The following EFNA5 variants were observed in gnomAD, a reference collection of about 807,000 sequenced individuals.
The protein encoded by EFNA5 is ephrin-A5.
Under a neutral mutation model 22.9 loss-of-function variants are expected in EFNA5, and 5 were observed. That is an observed-to-expected ratio of 0.22 (90% CI 0.11 to 0.46). The LOEUF is 0.46. EFNA5 is among the 20% of genes least tolerant of loss of function. EFNA5 has a pLI of 0.99. For synonymous variants in EFNA5, 113 were observed against 112.2 expected (o/e 1.01, Z -0.04); for missense variants, 237 against 293.3 (o/e 0.81, Z 1.40).
intron 2 of EFNA5, among the ~76,000 whole-genome samples, chr5:107,423,573 C>T (rs991976963): frequency 6.6e-6 from 1 of 152,228 alleles, no homozygotes; most frequent in Admixed American, 6.5e-5. Context: ...TTTAAAATTA[C>T]TGTTTCCTTT....
chr5:107,513,620 A>C (rs1177908657), intron 1 of EFNA5, among the ~76,000 whole-genome samples: 1 of 152,176 alleles, frequency 6.6e-6, no homozygotes, highest in Non-Finnish European at 1.5e-5. Flanking sequence ...TCAACTGTTC[A>C]TTTATTTATT....
chr5:107,657,203 C>T (rs1244141758), intron 1 of EFNA5, among the ~76,000 whole-genome samples: 6 of 152,086 alleles, frequency 3.9e-5, no homozygotes, highest in Admixed American at 2.6e-4. Flanking sequence ...TTAAGAACTA[C>T]TGAGCATCTT....
chr5:107,384,704 T>G (rs1180634725), intron 4 of EFNA5, among the ~76,000 whole-genome samples: 2 of 151,388 alleles, frequency 1.3e-5, no homozygotes, highest in African/African-American at 4.9e-5. Context: ...CTCGAACTCC[T>G]GGGCTTAAGC....
intron 1 of EFNA5, among the ~76,000 whole-genome samples, chr5:107,483,101 G>C (rs25996): frequency 0.62 from 93,891 of 151,874 alleles, 31,843 homozygotes; most frequent in African/African-American, 0.9. Context: ...TTATGTAATA[G>C]TGTGAACAAA....
intron 1 of EFNA5, among the ~76,000 whole-genome samples, chr5:107,533,629 T>C (rs1747868364): frequency 1.3e-5 from 2 of 150,078 alleles, no homozygotes; most frequent in African/African-American, 5.1e-5. Context: ...AGTCCTGCTC[T>C]GCATCTAATT....
At chr5:107,444,927 T>C (rs148593375) in intron 1 of EFNA5, among the ~76,000 whole-genome samples, 1 of 152,192 alleles carries the variant, frequency 6.6e-6, no homozygotes, top group East Asian at 1.9e-4. Flanking sequence ...GGGGTCAAAA[T>C]CTGATTTTAG....
chr5:107,454,917 T>A (rs949940659), intron 1 of EFNA5, among the ~76,000 whole-genome samples: 5 of 152,186 alleles, frequency 3.3e-5, no homozygotes, highest in African/African-American at 9.7e-5. Context: ...AGGAAGCTTT[T>A]AGGTCTGAAG....
intron 1 of EFNA5, among the ~76,000 whole-genome samples, chr5:107,585,637 C>CACTGTTGG (rs1749169213): frequency 6.6e-6 from 1 of 152,136 alleles, no homozygotes; most frequent in Admixed American, 6.6e-5. Context: ...ACCCACTATC[C>CACTGTTGG]AACAGGTGAA....
At chr5:107,616,459 T>C (rs1393866458) in intron 1 of EFNA5, among the ~76,000 whole-genome samples, 2 of 152,144 alleles carry the variant, frequency 1.3e-5, no homozygotes, top group Non-Finnish European at 2.9e-5. Context: ...TTTCTGCAGA[T>C]AAATCCCAAG....
intron 1 of EFNA5, among the ~76,000 whole-genome samples, chr5:107,571,387 G>A (rs903247355): frequency 1.3e-5 from 2 of 152,104 alleles, no homozygotes; most frequent in Admixed American, 1.3e-4. Context: ...CTTTTCCTGT[G>A]CAGATGGCTC....
intron 1 of EFNA5, among the ~76,000 whole-genome samples, chr5:107,605,740 T>C (rs1561447379): frequency 6.6e-6 from 1 of 152,144 alleles, no homozygotes; most frequent in Non-Finnish European, 1.5e-5. Flanking sequence ...AACACAGAGA[T>C]TGCATTGTTC....
intron 1 of EFNA5, among the ~76,000 whole-genome samples, chr5:107,531,702 G>A (rs543955209): frequency 8.5e-5 from 13 of 152,174 alleles, no homozygotes; most frequent in Non-Finnish European, 1.3e-4. Context: ...ATCTATCAGC[G>A]TTTGGGTGTG....
At chr5:107,588,089 T>A (rs188890055) in intron 1 of EFNA5, among the ~76,000 whole-genome samples, 1 of 152,326 alleles carries the variant, frequency 6.6e-6, no homozygotes, top group East Asian at 1.9e-4. Flanking sequence ...ACTCTCTCCC[T>A]TGGCTGATGT....
At chr5:107,517,053 T>A (rs1488797695) in intron 1 of EFNA5, among the ~76,000 whole-genome samples, 1 of 151,928 alleles carries the variant, frequency 6.6e-6, no homozygotes, top group Admixed American at 6.6e-5. Flanking sequence ...TAAAATTATA[T>A]CGTGATGACT....
At chr5:107,467,969 T>C (rs1234476782) in intron 1 of EFNA5, among the ~76,000 whole-genome samples, 1 of 152,212 alleles carries the variant, frequency 6.6e-6, no homozygotes, top group East Asian at 1.9e-4. Context: ...GCTATAAGAA[T>C]GAAACATTTA....
Position 107,434,854 on chromosome 5 carries a change from G to A in EFNA5, c.126-7345C>T, listed in dbSNP as rs152610. Among the ~76,000 whole-genome samples, 513 of 152,306 alleles carry A rather than the reference G, an allele frequency of 3.4e-3. 2 individuals carry two copies. The highest frequency in any genetic ancestry group is 5.5e-3 in the Non-Finnish European group (371 of 68,024). On this transcript the variant is annotated intron_variant, in intron 1 of 4. Transcript: ENST00000333274. ...ATATATTTTAATCTGTCAAAGAGGT[G>A]ATTGTTTTAATATTCCTACTTGAAC...
chr5:107,613,486 C>G (rs1749861397), intron 1 of EFNA5, among the ~76,000 whole-genome samples: 2 of 151,880 alleles, frequency 1.3e-5, no homozygotes, highest in Non-Finnish European at 1.5e-5. Context: ...ATAGAATGAC[C>G]CTTGCTATAT....
At chr5:107,557,106 C>T (rs144778888) in intron 1 of EFNA5, among the ~76,000 whole-genome samples, 47 of 152,242 alleles carry the variant, frequency 3.1e-4, no homozygotes, top group African/African-American at 1.1e-3. Flanking sequence ...CCTACATCTC[C>T]CTCATTTCTC....
chr5:107,664,637 T>C (rs938710683), intron 1 of EFNA5, among the ~76,000 whole-genome samples: 2 of 152,140 alleles, frequency 1.3e-5, no homozygotes, highest in Admixed American at 6.5e-5. Flanking sequence ...TCTTTGAGGA[T>C]TTTATACCTG....
Sources: allele counts gnomAD v4.1 joint callset (sites outside exome capture counted in the v4.1 genomes callset), GRCh38; gene constraint gnomAD v4.1.1; transcripts MANE v1.5; gene names NCBI Gene and HGNC (gene_info 2026-07-23, HGNC 2026-07-21).